The following PPP2CB variants were observed in gnomAD, a reference collection of about 807,000 sequenced individuals.
PPP2CB encodes the protein serine/threonine-protein phosphatase 2A catalytic subunit beta isoform.
In PPP2CB, 18 loss-of-function variants were observed where a neutral mutation model predicts 39.1. That is an observed-to-expected ratio of 0.46 (90% CI 0.32 to 0.68). The LOEUF (loss-of-function observed/expected upper bound fraction) is 0.68, where lower values mean the gene tolerates loss of function less well. Ranked by LOEUF, PPP2CB falls within the 30% of genes least tolerant of loss-of-function variation. The pLI is 0.04. For missense variants in PPP2CB, 226 were observed against 396.9 expected (o/e 0.57, Z 3.66); for synonymous variants, 129 against 133.8 (o/e 0.96, Z 0.25).
chr8:30,789,049 C>CTTT (rs5890534), intron 6 of PPP2CB, among the ~76,000 whole-genome samples: 1 of 137,016 alleles, frequency 7.3e-6, no homozygotes, highest in Non-Finnish European at 1.6e-5. Context: ...GATGTTTTTA[C>CTTT]TTTTTTTTTT....
At chr8:30,787,466 G>C (rs1416660624) in intron 6 of PPP2CB, among the ~76,000 whole-genome samples, 2 of 152,162 alleles carry the variant, frequency 1.3e-5, no homozygotes, top group African/African-American at 4.8e-5. Context: ...TCAGCTTCCT[G>C]AGTAGCTGAG....
intron 2 of PPP2CB, among the ~76,000 whole-genome samples, chr8:30,798,112 C>A (rs1041102001): frequency 6.6e-6 from 1 of 152,144 alleles, no homozygotes. Context: ...CTTCTTACTG[C>A]TGAATGAGTA....
chr8:30,797,464 G>A (rs1806545973), intron 3 of PPP2CB, 117 bp downstream of exon 3: 3 of 1,039,844 alleles, frequency 2.9e-6, no homozygotes, highest in Admixed American at 2.8e-5. Context: ...GGAAGGAGGA[G>A]GAAAAGGCCG....
At position 30,793,902 on chromosome 8, in the gene PPP2CB, C is replaced by G. The variant is rs761601468; in HGVS notation, c.738+15G>C. The stretch of plus-strand genomic sequence containing the variant: ...TAATCTGAAATAAAGATCATTCTGT[C>G]AGGAAAGTACATACCTCCATTACAA... On this transcript the variant is annotated intron_variant, in intron 5 of 6. Transcript: ENST00000221138. The G allele has an allele frequency of 1.5e-5, 24 of 1,598,824 alleles. No homozygotes were observed. The East Asian group carries it at 5.1e-4, about 34-fold the overall frequency.
At chr8:30,790,280 C>T (rs550782254) in intron 6 of PPP2CB, among the ~76,000 whole-genome samples, 4 of 152,268 alleles carry the variant, frequency 2.6e-5, no homozygotes, top group African/African-American at 9.6e-5. Context: ...TGTGCACAGC[C>T]TTCTTGTCCC....
chr8:30,798,738 G>C (rs1806566111), intron 2 of PPP2CB, among the ~76,000 whole-genome samples: 1 of 152,144 alleles, frequency 6.6e-6, no homozygotes, highest in African/African-American at 2.4e-5. Flanking sequence ...AGTAATAGAA[G>C]GCAATAAGCC....
Position 30,791,184 on chromosome 8 carries a change from TAC to T in PPP2CB, c.857+11_857+12del, listed in dbSNP as rs1217807376. ...TCTGAAAGTATATACAATTAAAATT[TAC>T]AGTTACTCACAAGGAATATTTTAAA... On this transcript the variant is annotated intron_variant, in intron 6 of 6. Coordinates refer to ENST00000221138, the MANE Select transcript of PPP2CB (RefSeq NM_001009552.2). The T allele has an allele frequency of 2.6e-6, 4 of 1,524,518 alleles. No homozygotes were observed. The South Asian group carries it at 4.8e-5, about 18-fold the overall frequency. 94.4% of individuals were successfully genotyped at this position (1,524,518 alleles called of 1,614,324 possible). A position where few individuals can be genotyped will look rare whatever the true frequency, so the allele number is the denominator to read the frequency against.
rs1384333858 is a variant in PPP2CB at position 30,812,525 on chromosome 8, C to T, written c.-104G>A. On this transcript the variant is annotated 5_prime_UTR_variant, in exon 1 of 7. Coordinates refer to ENST00000221138, the MANE Select transcript of PPP2CB (RefSeq NM_001009552.2). ...GCCCGGGCGCCGCTCCCCTCTCCCT[C>T]CGCCGCCGTCGCCAGGTCCCACAGG... The T allele has an allele frequency of 1.3e-6, 1 of 746,236 alleles. No individual in the cohort carries two copies. The highest frequency in any genetic ancestry group is 2.8e-5 in the South Asian group (1 of 35,720). The allele number at this position is 746,236 out of a possible 1,614,324, so 46.2% of individuals were successfully genotyped here.
chr8:30,793,814 G>C, intron 5 of PPP2CB, 103 bp downstream of exon 5: 1 of 1,297,760 alleles, frequency 7.7e-7, no homozygotes, highest in Non-Finnish European at 1.0e-6. Context: ...TTTTCACCTA[G>C]GTAATAAATG....
Position 30,799,512 on chromosome 8 carries a change from T to A in PPP2CB, c.312+34A>T, listed in dbSNP as rs769239749. ...ATTCTTGCCTTTTGCCTGGTTTAAATCTTGAAAAAAAAATTGAATTTCAAT... is the reference window on the plus strand; with the variant it reads ...ATTCTTGCCTTTTGCCTGGTTTAAAACTTGAAAAAAAAATTGAATTTCAAT... On this transcript the variant is annotated intron_variant, in intron 2 of 6. Coordinates refer to ENST00000221138, the MANE Select transcript of PPP2CB (RefSeq NM_001009552.2). The A allele has an allele frequency of 1.7e-5, 27 of 1,571,100 alleles. No individual in the cohort carries two copies. The East Asian group carries it at 6.1e-4, about 35-fold the overall frequency.
chr8:30,799,797 T>C (rs1379746368), intron 1 of PPP2CB, 42 bp from the exon 2 acceptor site: 1 of 1,551,834 alleles, frequency 6.4e-7, no homozygotes, highest in Non-Finnish European at 8.8e-7. Context: ...GTTAAAACTA[T>C]CATTTCTTAT....
intron 6 of PPP2CB, among the ~76,000 whole-genome samples, chr8:30,789,930 C>G (rs558620945): frequency 7.2e-5 from 11 of 152,296 alleles, no homozygotes; most frequent in African/African-American, 2.6e-4. Flanking sequence ...TAGCCTCTCC[C>G]TAGCTTCTGA....
In PPP2CB at chr8:30,812,382, C is replaced by T; in HGVS notation, c.40G>A (p.Val14Ile). The T allele has an allele frequency of 6.4e-7, 1 of 1,559,980 alleles. No homozygotes were observed. The change falls in exon 1 of 7, where the codon GTC (valine) becomes ATC (isoleucine). Residue 14 changes from valine to isoleucine, a missense_variant. Coordinates refer to ENST00000221138, the MANE Select transcript of PPP2CB (RefSeq NM_001009552.2). ...TGCTTACACTCGTTCAGCTGCTCGA[C>T]CCACTGGTCCAGCTCCTTGGTGAAC... ...KAFTKELDQW[V>I]EQLNECKQLN...
intron 5 of PPP2CB, 36 bp from the exon 6 acceptor site, chr8:30,791,351 A>G: frequency 7.0e-7 from 1 of 1,432,024 alleles, no homozygotes; most frequent in African/African-American, 1.4e-5. Context: ...TTTCATTATA[A>G]TATTATGATT....
At chr8:30,806,776 A>G (rs189690050) in intron 1 of PPP2CB, among the ~76,000 whole-genome samples, 13 of 152,342 alleles carry the variant, frequency 8.5e-5, no homozygotes, top group African/African-American at 3.1e-4. Flanking sequence ...TCTTCAAATA[A>G]GAATAAAAGG....
intron 3 of PPP2CB, among the ~76,000 whole-genome samples, chr8:30,796,368 A>G (rs1249090896): frequency 6.6e-6 from 1 of 151,974 alleles, no homozygotes. Context: ...GAGTTTTATT[A>G]TATGTTTTAT....
intron 6 of PPP2CB, among the ~76,000 whole-genome samples, chr8:30,787,285 G>C (rs1320975524): frequency 1.3e-5 from 2 of 152,204 alleles, no homozygotes; most frequent in Non-Finnish European, 2.9e-5. Context: ...GTGACAGAAT[G>C]AATGCAGTAG....
chr8:30,796,535 T>C (rs893671483), intron 3 of PPP2CB, among the ~76,000 whole-genome samples: 3 of 152,074 alleles, frequency 2.0e-5, no homozygotes, highest in African/African-American at 7.2e-5. Flanking sequence ...ACTACAGGCA[T>C]GCAATGCCAT....
intron 6 of PPP2CB, among the ~76,000 whole-genome samples, chr8:30,789,603 T>C (rs559862325): frequency 4.6e-5 from 7 of 152,324 alleles, no homozygotes; most frequent in Admixed American, 1.3e-4. Flanking sequence ...GGCATGCACA[T>C]ATTCTGCCAG....
Sources: gnomAD v4.1 joint callset for allele counts (sites outside exome capture counted in the v4.1 genomes callset) on GRCh38, gnomAD v4.1.1 for gene constraint, MANE v1.5 for transcripts, NCBI Gene and HGNC (gene_info 2026-07-23, HGNC 2026-07-21) for gene names.